FUT9: variants seen among roughly 807,000 people sequenced by gnomAD.
The protein encoded by FUT9 is fucosyltransferase 9, also known as 4-galactosyl-N-acetylglucosaminide 3-alpha-L-fucosyltransferase 9.
Under a neutral mutation model 29.7 loss-of-function variants are expected in FUT9, and 15 were observed. That is an observed-to-expected ratio of 0.51 (90% CI 0.34 to 0.78). The LOEUF (loss-of-function observed/expected upper bound fraction) is 0.78. Ranked by LOEUF, FUT9 falls within the 30% of genes least tolerant of loss-of-function variation. The pLI is 0.01. For synonymous variants in FUT9, 169 were observed against 153.7 expected, an observed-to-expected ratio of 1.10 and a Z score of -0.74; for missense variants, 319 against 425.4, an observed-to-expected ratio of 0.75 and a Z score of 2.20.
chr6:96,109,477 A>G (rs1390784965), intron 1 of FUT9, among the ~76,000 whole-genome samples: 1 of 152,198 alleles, frequency 6.6e-6, no homozygotes, highest in Non-Finnish European at 1.5e-5. Flanking sequence ...ATAAAGATCT[A>G]TATTTTATTA....
Position 96,203,941 on chromosome 6 carries a change from G to A in FUT9, c.786G>A (p.Leu262=). ...CGGAAAAGCTATACAATGCTTTTCT[G>A]GCTGGCTCTGTACCTGTTGTTCTGG... The part of the protein sequence containing the change: ...YITEKLYNAF[L]AGSVPVVLGP... The change falls in exon 3 of 3, where the codon CTG becomes CTA. Residue 262 remains leucine (L), a synonymous_variant. Coordinates refer to ENST00000302103, the MANE Select transcript of FUT9 (RefSeq NM_006581.4). The A allele has an allele frequency of 6.2e-7, 1 of 1,613,140 alleles. No individual in the cohort carries two copies.
At chr6:96,078,532 T>C (rs577705453) in intron 1 of FUT9, among the ~76,000 whole-genome samples, 42 of 144,882 alleles carry the variant, frequency 2.9e-4, no homozygotes, top group African/African-American at 8.6e-4. Context: ...GCCATTCTCC[T>C]GCCTCAGCCT....
intron 2 of FUT9, among the ~76,000 whole-genome samples, chr6:96,191,864 C>A (rs1357813990): frequency 6.6e-6 from 1 of 152,098 alleles, no homozygotes; most frequent in Non-Finnish European, 1.5e-5. Flanking sequence ...ATGACCAAGT[C>A]GGCTTCATCC....
chr6:96,134,982 T>C (rs1772320087), intron 2 of FUT9, among the ~76,000 whole-genome samples: 1 of 151,552 alleles, frequency 6.6e-6, no homozygotes, highest in African/African-American at 2.4e-5. Flanking sequence ...ACTTGTCAAG[T>C]AGCTGCATGA....
intron 1 of FUT9, among the ~76,000 whole-genome samples, chr6:96,065,586 C>T (rs553356260): frequency 7.9e-5 from 12 of 151,916 alleles, no homozygotes; most frequent in African/African-American, 2.7e-4. Context: ...TGAACTTTCT[C>T]GGGAATTTAT....
chr6:96,026,576 T>C (rs1770172622), intron 1 of FUT9, among the ~76,000 whole-genome samples: 1 of 151,726 alleles, frequency 6.6e-6, no homozygotes, highest in South Asian at 2.1e-4. Flanking sequence ...TGTTATTACA[T>C]ATTTCCCATG....
chr6:96,088,036 G>T (rs1054106432), intron 1 of FUT9, among the ~76,000 whole-genome samples: 7 of 151,986 alleles, frequency 4.6e-5, no homozygotes, highest in Non-Finnish European at 7.4e-5. Flanking sequence ...CTGTCGTTTG[G>T]CTTCCATTGT....
At position 96,203,345 on chromosome 6, in the gene FUT9, A is replaced by G. The variant is rs1275458244; in HGVS notation, c.190A>G (p.Thr64Ala). ...FSTKTDYFNETTILVWVWPFG... is the reference protein window; with the variant it reads ...FSTKTDYFNEATILVWVWPFG... ...CACCAAAACTGATTATTTTAATGAA[A>G]CTACTATTCTGGTGTGGGTGTGGCC... The change falls in exon 3 of 3, where the codon ACT becomes GCT. Residue 64 changes from threonine to alanine, a missense_variant. Thr to Ala is a moderately conservative substitution (Grantham distance 58). Coordinates refer to ENST00000302103, the MANE Select transcript of FUT9 (RefSeq NM_006581.4). 7 of 1,613,874 alleles carry G rather than the reference A, an allele frequency of 4.3e-6. No individual in the cohort carries two copies. Among genetic ancestry groups the G allele is most frequent in the South Asian group, 1.1e-5 (1 of 91,064 alleles).
intron 2 of FUT9, among the ~76,000 whole-genome samples, chr6:96,146,766 G>T (rs1445903164): frequency 2.6e-5 from 4 of 152,120 alleles, no homozygotes; most frequent in African/African-American, 9.7e-5. Context: ...ATGGTAAAAT[G>T]CAGTTTAAAT....
At chr6:96,023,593 G>A (rs771219384) in intron 1 of FUT9, among the ~76,000 whole-genome samples, 5 of 151,926 alleles carry the variant, frequency 3.3e-5, no homozygotes, top group African/African-American at 1.2e-4. Context: ...TCAGAAGCCA[G>A]TGGTATAGAA....
In FUT9 at chr6:96,197,673, A is replaced by G. The variant is rs756806610; in HGVS notation, c.-8-5475A>G. Among the ~76,000 whole-genome samples the G allele has an allele frequency of 2.0e-4, 31 of 152,290 alleles. 1 individual carries two copies. Among genetic ancestry groups the G allele is most frequent in the South Asian group, 6.2e-4 (3 of 4,826 alleles). On this transcript the variant is annotated intron_variant, in intron 2 of 2. Coordinates refer to ENST00000302103, the MANE Select transcript of FUT9 (RefSeq NM_006581.4). ...TAAATGTACTATACAGTGACTGTCA[A>G]ATGTCCTGATCCAACAAGTCCTAAT...
At chr6:96,137,401 C>G (rs887572275) in intron 2 of FUT9, among the ~76,000 whole-genome samples, 1 of 152,022 alleles carries the variant, frequency 6.6e-6, no homozygotes, top group African/African-American at 2.4e-5. Context: ...ATGTGTCATA[C>G]AGAAGAATTC....
rs1773154690 is a variant in FUT9, at chr6:96,173,742, G to T, written c.-8-29406G>T. Among the ~76,000 whole-genome samples, 3 of 145,696 alleles carry T rather than the reference G, an allele frequency of 2.1e-5. No homozygotes were observed. In the South Asian group the frequency reaches 6.9e-4, roughly 33 times the overall value. On this transcript the variant is annotated intron_variant, in intron 2 of 2. Transcript: ENST00000302103. ...TATGCTAAATATGATAATTCAAAATGTATTATGGACATTTAAAATAAAAAT... is the reference window on the plus strand; with the variant it reads ...TATGCTAAATATGATAATTCAAAATTTATTATGGACATTTAAAATAAAAAT...
At chr6:96,192,608 G>A (rs1268853571) in intron 2 of FUT9, among the ~76,000 whole-genome samples, 8 of 152,236 alleles carry the variant, frequency 5.3e-5, no homozygotes, top group South Asian at 2.1e-4. Context: ...AATCAATATC[G>A]TGAAAATGGC....
At chr6:96,177,067 G>A (rs1773217864) in intron 2 of FUT9, among the ~76,000 whole-genome samples, 1 of 152,078 alleles carries the variant, frequency 6.6e-6, no homozygotes, top group African/African-American at 2.4e-5. Context: ...TTTGTGAGAG[G>A]CCACTTCTAT....
intron 2 of FUT9, among the ~76,000 whole-genome samples, chr6:96,157,723 C>G (rs1483268795): frequency 6.6e-6 from 1 of 152,002 alleles, no homozygotes; most frequent in Non-Finnish European, 1.5e-5. Context: ...GGAATAAAAC[C>G]ATTCCTCAGT....
chr6:96,114,310 T>C (rs1189083751), intron 2 of FUT9, among the ~76,000 whole-genome samples, 183 bp downstream of exon 2: 9 of 152,032 alleles, frequency 5.9e-5, no homozygotes, highest in African/African-American at 2.2e-4. Flanking sequence ...TAACATTCTA[T>C]CAAAGTTAAA....
At chr6:96,182,994 A>G (rs969141233) in intron 2 of FUT9, among the ~76,000 whole-genome samples, 3 of 152,026 alleles carry the variant, frequency 2.0e-5, no homozygotes, top group African/African-American at 7.2e-5. Context: ...TGGCATTTTA[A>G]TGGGAATTGC....
rs1261509955 is a variant in FUT9 at position 96,208,797 on chromosome 6, G to A, written c.*4562G>A. 3.6e-5 allele frequency: 6 copies of A among 166,686 alleles called. No homozygotes were observed. The highest frequency in any genetic ancestry group is 9.7e-5 in the African/African-American group (4 of 41,428). The allele number at this position is 166,686 out of a possible 1,614,324, so 10.3% of individuals were successfully genotyped here. A position where few individuals can be genotyped will look rare whatever the true frequency, so the allele number is the denominator to read the frequency against. On this transcript the variant is annotated 3_prime_UTR_variant, in exon 3 of 3. Transcript: ENST00000302103. ...AGTATTTAAGGAGAGTATAAAGTGC[G>A]AGCACTGTGAAGGGCAGATATCTAT...
Sources: gnomAD v4.1 joint callset for allele counts (sites outside exome capture counted in the v4.1 genomes callset) on GRCh38, gnomAD v4.1.1 for gene constraint, MANE v1.5 for transcripts, NCBI Gene and HGNC (gene_info 2026-07-23, HGNC 2026-07-21) for gene names.